SEPTIN6: variants seen among roughly 807,000 people sequenced by gnomAD.
The protein encoded by SEPTIN6 is septin 6.
A neutral mutation model predicts 33.6 loss-of-function variants in SEPTIN6; 8 were observed. The ratio of observed to expected loss-of-function variants is 0.24; its 90% confidence interval spans 0.14 to 0.43. The LOEUF is 0.43. SEPTIN6 is among the 20% of genes least tolerant of loss of function. The probability of loss-of-function intolerance (pLI) is 1.00; values close to 1 mark genes in which losing one functional copy is unlikely to be tolerated. For synonymous variants in SEPTIN6, 131 were observed against 140.0 expected, an observed-to-expected ratio of 0.94 and a Z score of 0.45; for missense variants, 250 against 340.8, an observed-to-expected ratio of 0.73 and a Z score of 2.10.
At position 119,619,960 on chromosome X, in the gene SEPTIN6, T is replaced by C. The variant is rs1227313741; in HGVS notation, c.*133A>G. ...AAGAGAGGAGAGGGCGCGGGTTGGA[T>C]TGTATGCCCCCCAGGCATGTTAAGG... On this transcript the variant is annotated 3_prime_UTR_variant, in exon 11 of 11. Transcript: ENST00000394610. 7.6e-6 allele frequency: 9 copies of C among 1,188,514 alleles called. No individual in the cohort carries two copies. The South Asian group carries it at 1.5e-4, about 20-fold the overall frequency.
intron 2 of SEPTIN6, among the ~76,000 whole-genome samples, chrX:119,667,076 A>G (rs2054653490): frequency 9.0e-6 from 1 of 110,987 alleles, no homozygotes; most frequent in Admixed American, 9.6e-5. Flanking sequence ...AAGGGAGCAC[A>G]TGGAACAGAA....
At chrX:119,650,230 C>T (rs182180280) in intron 4 of SEPTIN6, 132 bp from the exon 5 acceptor site, 2 of 545,824 alleles carry the variant, frequency 3.7e-6, no homozygotes, top group East Asian at 7.0e-5. Context: ...CTTCTGTAGC[C>T]AAATGACAAT....
At chrX:119,669,609 T>C (rs1230369531) in intron 2 of SEPTIN6, among the ~76,000 whole-genome samples, 1 of 111,897 alleles carries the variant, frequency 8.9e-6, no homozygotes, top group Admixed American at 9.5e-5. Context: ...CGTGCAGTGA[T>C]GTCATGTTGG....
chrX:119,652,450 G>A (rs1254699133), intron 4 of SEPTIN6, among the ~76,000 whole-genome samples: 6 of 112,071 alleles, frequency 5.4e-5, no homozygotes, highest in African/African-American at 1.6e-4. Context: ...CATATAATGA[G>A]GGTTTTAATG....
intron 2 of SEPTIN6, among the ~76,000 whole-genome samples, chrX:119,666,133 T>C (rs2054634822): frequency 9.1e-6 from 1 of 109,521 alleles, no homozygotes; most frequent in African/African-American, 3.3e-5. Context: ...AGAGAGGATA[T>C]CATTAATTAC....
intron 5 of SEPTIN6, among the ~76,000 whole-genome samples, chrX:119,644,252 A>G (rs915295670): frequency 9.0e-6 from 1 of 111,088 alleles, no homozygotes; most frequent in East Asian, 2.8e-4. Context: ...GCGCCCTCGG[A>G]TATCAGATTT....
intron 7 of SEPTIN6, 81 bp from the exon 8 acceptor site, chrX:119,633,573 G>A: frequency 3.7e-6 from 4 of 1,086,737 alleles, no homozygotes; most frequent in Non-Finnish European, 4.9e-6. Context: ...TCCTCACTGG[G>A]TTCCTCTGTC....
chrX:119,660,808 GC>G (rs370130391), intron 3 of SEPTIN6, among the ~76,000 whole-genome samples: 9 of 78,643 alleles, frequency 1.1e-4, no homozygotes, highest in East Asian at 8.2e-4. Context: ...GCGGGGGTGA[GC>G]GGGGGGGATC....
At chrX:119,686,317 C>T (rs2055053804) in intron 1 of SEPTIN6, among the ~76,000 whole-genome samples, 1 of 111,626 alleles carries the variant, frequency 9.0e-6, no homozygotes, top group Admixed American at 9.5e-5. Flanking sequence ...CACGACCTCA[C>T]ACCTCATCAG....
At chrX:119,634,487 T>G (rs750444558) in intron 7 of SEPTIN6, among the ~76,000 whole-genome samples, 3 of 110,275 alleles carry the variant, frequency 2.7e-5, no homozygotes, top group Non-Finnish European at 5.7e-5. Flanking sequence ...GAGCCAGGTA[T>G]GGTTCAACAT....
chrX:119,664,677 A>G (rs2054603892), intron 2 of SEPTIN6, among the ~76,000 whole-genome samples: 1 of 107,546 alleles, frequency 9.3e-6, no homozygotes. Flanking sequence ...AAAAATATAT[A>G]TATACATACA....
rs913631192 is a variant in SEPTIN6 at position 119,617,751 on chromosome X, C to T, written c.*2342G>A. 1 of 774,297 alleles carries T rather than the reference C, an allele frequency of 1.3e-6. No individual in the cohort carries two copies. 63.8% of individuals were successfully genotyped at this position (774,297 alleles called of 1,213,427 possible). ...CTCGAAACAGAAGTGGGACCTCGGT[C>T]AAGTCCCTTCCCTTCTCTGGGCCTT... On this transcript the variant is annotated 3_prime_UTR_variant, in exon 11 of 11. Coordinates refer to ENST00000394610, the MANE Select transcript of SEPTIN6 (RefSeq NM_145799.4).
Position 119,618,490 on chromosome X carries a change from A to G in SEPTIN6, c.*1603T>C. On this transcript the variant is annotated 3_prime_UTR_variant, in exon 11 of 11. Coordinates refer to ENST00000394610, the MANE Select transcript of SEPTIN6 (RefSeq NM_145799.4). ...CTTCAAAAAGGCCTGGAAATTTGGC[A>G]TAACCTTGTTTGACTGTGTGCTTTG... 1.1e-6 allele frequency: 1 copy of G among 917,770 alleles called. No individual in the cohort carries two copies. The highest frequency in any genetic ancestry group is 1.3e-6 in the Non-Finnish European group (1 of 741,974). 75.6% of individuals were successfully genotyped at this position (917,770 alleles called of 1,213,427 possible).
chrX:119,658,791 A>G (rs1441330677), intron 3 of SEPTIN6, among the ~76,000 whole-genome samples: 1 of 112,253 alleles, frequency 8.9e-6, no homozygotes, highest in Non-Finnish European at 1.9e-5. Context: ...ATCATTTCAT[A>G]TGTTGATTGT....
chrX:119,631,013 C>A (rs932446072), intron 8 of SEPTIN6, among the ~76,000 whole-genome samples: 53 of 110,689 alleles, frequency 4.8e-4, no homozygotes, highest in Non-Finnish European at 3.4e-4. Flanking sequence ...CAGAGCAAGC[C>A]GAATTTCACT....
intron 1 of SEPTIN6, among the ~76,000 whole-genome samples, chrX:119,675,969 G>A (rs766988184): frequency 9.1e-6 from 1 of 110,252 alleles, no homozygotes; most frequent in African/African-American, 3.3e-5. Context: ...TGCTGGCACC[G>A]AGATTCACAG....
At chrX:119,681,435 A>G (rs1223979090) in intron 1 of SEPTIN6, among the ~76,000 whole-genome samples, 6 of 111,125 alleles carry the variant, frequency 5.4e-5, no homozygotes, top group African/African-American at 1.6e-4. Context: ...GAAGGCCTGA[A>G]CTGAGATGCT....
chrX:119,682,932 T>G (rs1476821315), intron 1 of SEPTIN6, among the ~76,000 whole-genome samples: 1 of 112,366 alleles, frequency 8.9e-6, no homozygotes, highest in African/African-American at 3.2e-5. Context: ...GTCCCTAAAC[T>G]TTCTCCTCTG....
chrX:119,669,547 A>T (rs1432304735), intron 2 of SEPTIN6, among the ~76,000 whole-genome samples: 2 of 112,127 alleles, frequency 1.8e-5, no homozygotes, highest in African/African-American at 6.5e-5. Flanking sequence ...CCTGGCAGGC[A>T]GTGGTGTGCT....
Sources: gnomAD v4.1 joint callset for allele counts (sites outside exome capture counted in the v4.1 genomes callset) on GRCh38, gnomAD v4.1.1 for gene constraint, MANE v1.5 for transcripts, NCBI Gene and HGNC (gene_info 2026-07-23, HGNC 2026-07-21) for gene names.